Variants in MPRIP observed in about 807,000 individuals in gnomAD.
MPRIP encodes myosin phosphatase Rho interacting protein.
A neutral mutation model predicts 234.9 loss-of-function variants in MPRIP; 59 were observed. The ratio of observed to expected loss-of-function variants is 0.25; its 90% CI spans 0.20 to 0.31. MPRIP has a LOEUF of 0.31. Among genes scored for constraint, MPRIP ranks in the 10% least tolerant of loss-of-function variants. The probability of loss-of-function intolerance (pLI) is 1.00; values close to 1 mark genes in which losing one functional copy is unlikely to be tolerated. For missense variants in MPRIP, 2,436 were observed against 3,071.0 expected, an observed-to-expected ratio of 0.79 and a Z score of 4.89; for synonymous variants, 1,144 against 1,263.9, an observed-to-expected ratio of 0.91 and a Z score of 2.01.
chr17:17,126,272 C>T (rs2090488401), intron 3 of MPRIP, among the ~76,000 whole-genome samples: 1 of 152,202 alleles, frequency 6.6e-6, no homozygotes, highest in Non-Finnish European at 1.5e-5. Flanking sequence ...CCACAGCCTG[C>T]TCTCAAGGAT....
chr17:17,149,814 A>G (rs1417573424), intron 11 of MPRIP: 3 of 154,238 alleles, frequency 1.9e-5, no homozygotes, highest in Non-Finnish European at 4.3e-5. Flanking sequence ...AATTTCTAAC[A>G]TAGTAAATAC....
chr17:17,171,440 C>G, intron 16 of MPRIP: 1 of 358,914 alleles, frequency 2.8e-6, no homozygotes, highest in African/African-American at 2.1e-5. Flanking sequence ...ACCTACCATA[C>G]CAACTTCTCC....
intron 23 of MPRIP, chr17:17,181,504 A>G (rs1426832796): frequency 6.6e-6 from 1 of 152,208 alleles, no homozygotes; most frequent in African/African-American, 2.4e-5. Flanking sequence ...CTACAGTTCT[A>G]AGTCCCCTAT....
intron 12 of MPRIP, among the ~76,000 whole-genome samples, chr17:17,151,874 C>T (rs1325943499): frequency 1.3e-5 from 2 of 152,204 alleles, no homozygotes; most frequent in Non-Finnish European, 2.9e-5. Flanking sequence ...GGGCCCTGGC[C>T]CTGGGACTTG....
chr17:17,175,023 G>A (rs2046224462), intron 19 of MPRIP, among the ~76,000 whole-genome samples: 1 of 152,178 alleles, frequency 6.6e-6, no homozygotes, highest in African/African-American at 2.4e-5. Context: ...TGCTGCACAG[G>A]GCTGTGTATG....
intron 21 of MPRIP, among the ~76,000 whole-genome samples, chr17:17,176,999 G>C (rs574032684): frequency 6.6e-6 from 1 of 152,202 alleles, no homozygotes; most frequent in African/African-American, 2.4e-5. Flanking sequence ...GGGCAATCCC[G>C]GAACTGCCTC....
At position 17,189,478 on chromosome 17, in the gene MPRIP, C is replaced by A. The variant is rs1279389427; in HGVS notation, c.*4584C>A. ...TGCTGGGATTACAGGCGTGAGCCAC[C>A]ACGCCTGGCCTATAAGATACGGTAA... On this transcript the variant is annotated 3_prime_UTR_variant, in exon 24 of 24. Transcript: ENST00000651222. 6.7e-6 allele frequency: 1 copy of A among 150,192 alleles called. No homozygotes were observed. Among genetic ancestry groups the A allele is most frequent in the African/African-American group, 2.4e-5 (1 of 41,066 alleles). 9.3% of individuals were successfully genotyped at this position (150,192 alleles called of 1,614,324 possible).
In MPRIP at chr17:17,154,403, C is replaced by T. The variant is rs777126496; in HGVS notation, c.1817C>T (p.Pro606Leu). 5.6e-6 allele frequency: 9 copies of T among 1,614,064 alleles called. No homozygotes were observed. Among genetic ancestry groups the T allele is most frequent in the South Asian group, 1.1e-5 (1 of 91,082 alleles). ...AAGCACGTGCACCCGACCACTGCCC[C>T]GGATGTGACCAGGTAGGATGGTGAA... ...IMKHVHPTTA[P>L]DVTSSLPEEK... Residue 606 changes from proline to leucine, a missense_variant, in exon 13 of 24, where the codon CCG (proline) becomes CTG (leucine). Pro to Leu is a moderately conservative substitution (Grantham distance 98). Transcript: ENST00000651222.
chr17:17,075,220 A>G (rs1188931451), intron 1 of MPRIP, among the ~76,000 whole-genome samples: 1 of 152,206 alleles, frequency 6.6e-6, no homozygotes, highest in Non-Finnish European at 1.5e-5. Context: ...GAGTTTCTGC[A>G]CGCAGTCACA....
At chr17:17,061,224 G>A (rs186378264) in intron 1 of MPRIP, among the ~76,000 whole-genome samples, 2 of 152,210 alleles carry the variant, frequency 1.3e-5, no homozygotes, top group African/African-American at 2.4e-5. Flanking sequence ...ACTTTGCTGT[G>A]TGCTCACCCC....
In MPRIP at chr17:17,166,605, C is replaced by T. The variant is rs1471445451; in HGVS notation, c.5014C>T (p.Leu1672Phe). Reference protein sequence around the residue: ...LANATWVRAELSFATQSVRES... With the variant: ...LANATWVRAEFSFATQSVRES... Reference sequence around the variant, plus strand: ...CAATGCCACATGGGTCAGGGCAGAGCTCAGCTTTGCCACACAGTCAGTGAG... The same window carrying T: ...CAATGCCACATGGGTCAGGGCAGAGTTCAGCTTTGCCACACAGTCAGTGAG... The change falls in exon 16 of 24, where the codon CTC becomes TTC. Residue 1672 changes from leucine (L) to phenylalanine (F), a missense_variant. Leu to Phe is a conservative substitution (Grantham distance 22, BLOSUM62 0). This residue lies in a region of MPRIP where 1,998 missense variants were observed against 2,520.3 expected (regional missense o/e 0.79). Coordinates refer to ENST00000651222, the MANE Select transcript of MPRIP (RefSeq NM_001364716.4). This position sits in a 1 kb window ranked among gnomAD's most constrained non-coding sequence, Gnocchi z 4.4. 1 of 1,304,048 alleles carries T rather than the reference C, an allele frequency of 7.7e-7. No homozygotes were observed. The highest frequency in any genetic ancestry group is 1.0e-6 in the Non-Finnish European group (1 of 988,874). 80.8% of individuals were successfully genotyped at this position (1,304,048 alleles called of 1,614,324 possible).
At position 17,153,228 on chromosome 17, in the gene MPRIP, C is replaced by T. The variant is rs115411130; in HGVS notation, c.1720-1078C>T. Among the ~76,000 whole-genome samples, 542 of 152,264 alleles carry T rather than the reference C, an allele frequency of 3.6e-3. 6 individuals carry two copies. The highest frequency in any genetic ancestry group is 0.013 in the African/African-American group (521 of 41,534). ...TCCCTCCCAGCTGTGCTTTGTGGCA[C>T]GTCAGGCCGGTGCGTGATCTCCTGT... On this transcript the variant is annotated intron_variant, in intron 12 of 23. Coordinates refer to ENST00000651222, the MANE Select transcript of MPRIP (RefSeq NM_001364716.4).
In MPRIP at chr17:17,158,840, A is replaced by G; in HGVS notation, c.2238A>G (p.Lys746=). The G allele has an allele frequency of 6.2e-7, 1 of 1,611,716 alleles. No homozygotes were observed. Among genetic ancestry groups the G allele is most frequent in the Non-Finnish European group, 8.5e-7 (1 of 1,179,972 alleles). The change falls in exon 14 of 24, where the codon AAA becomes AAG. Residue 746 remains lysine (K), a synonymous_variant. Transcript: ENST00000651222. ...CAGGGCTGCCTATGAGCGACCTCAAAACGCATAACGTCCACGTGGAGATTG... is the reference window on the plus strand; with the variant it reads ...CAGGGCTGCCTATGAGCGACCTCAAGACGCATAACGTCCACGTGGAGATTG... ...RSPGLPMSDL[K]THNVHVEIEQ...
chr17:17,081,325 G>C (rs914730796), intron 3 of MPRIP, among the ~76,000 whole-genome samples: 1 of 152,176 alleles, frequency 6.6e-6, no homozygotes, highest in Non-Finnish European at 1.5e-5. Flanking sequence ...AATCTAGCCA[G>C]GTGTTCTGTA....
rs140443601 is a variant in MPRIP, at chr17:17,184,978, T to TTTA, written c.*102_*104dup. The TTTA allele has an allele frequency of 0.01, 8,731 of 852,102 alleles. 164 individuals are homozygous for TTTA. Among genetic ancestry groups the TTTA allele is most frequent in the African/African-American group, 0.069 (4,029 of 58,424 alleles). The allele number at this position is 852,102 out of a possible 1,614,324, so 52.8% of individuals were successfully genotyped here. A position where few individuals can be genotyped will look rare whatever the true frequency, so the allele number is the denominator to read the frequency against. ...CGCTGCTTTTCACCTGTACCTTTGT[T>TTTA]TTATTATTATTATTATTATTGCTGT... On this transcript the variant is annotated 3_prime_UTR_variant, in exon 24 of 24. Coordinates refer to ENST00000651222, the MANE Select transcript of MPRIP (RefSeq NM_001364716.4).
At chr17:17,108,551 T>A (rs2090107404) in intron 3 of MPRIP, among the ~76,000 whole-genome samples, 1 of 152,192 alleles carries the variant, frequency 6.6e-6, no homozygotes, top group Non-Finnish European at 1.5e-5. Context: ...TCCCAGGTGA[T>A]TACATTATTC....
At chr17:17,055,661 G>T (rs1041148639) in intron 1 of MPRIP, among the ~76,000 whole-genome samples, 1 of 152,214 alleles carries the variant, frequency 6.6e-6, no homozygotes, top group Non-Finnish European at 1.5e-5. Context: ...CACCTCGGCA[G>T]ACAGCCCACT....
intron 1 of MPRIP, among the ~76,000 whole-genome samples, chr17:17,063,270 T>A (rs1363808880): frequency 6.6e-6 from 1 of 152,132 alleles, no homozygotes; most frequent in African/African-American, 2.4e-5. Context: ...CCTGTAGACT[T>A]GTGTTTATTT....
chr17:17,123,470 C>G (rs551349360), intron 3 of MPRIP, among the ~76,000 whole-genome samples: 1 of 151,966 alleles, frequency 6.6e-6, no homozygotes, highest in Non-Finnish European at 1.5e-5. Context: ...CGAGACCAGC[C>G]TGGCCAACAT....
Sources: allele counts gnomAD v4.1 joint callset (sites outside exome capture counted in the v4.1 genomes callset), GRCh38; gene constraint gnomAD v4.1.1; regional missense constraint gnomAD v4.1.1; non-coding constraint Gnocchi (gnomAD v3.1); transcripts MANE v1.5; gene names NCBI Gene and HGNC (gene_info 2026-07-23, HGNC 2026-07-21).